Variants in LRBA observed in about 807,000 individuals in gnomAD.
The protein encoded by LRBA is lipopolysaccharide-responsive and beige-like anchor protein.
In LRBA, 176 loss-of-function variants were observed where a neutral mutation model predicts 330.0. The observed-to-expected ratio is 0.53, with a 90% CI of 0.47 to 0.60. LRBA has a LOEUF of 0.60. LRBA is among the 20% of genes least tolerant of loss of function. LRBA has a pLI of 0.00. For synonymous variants in LRBA, 1,230 were observed against 1,193.0 expected (o/e 1.03, Z -0.64); for missense variants, 3,259 against 3,444.8 (o/e 0.95, Z 1.35).
intron 19 of LRBA, among the ~76,000 whole-genome samples, chr4:150,871,099 C>T (rs1185053049): frequency 5.3e-5 from 8 of 152,028 alleles, no homozygotes; most frequent in Non-Finnish European, 1.2e-4. Flanking sequence ...AAAAATTAGC[C>T]GGGTTAGGTG....
intron 56 of LRBA, among the ~76,000 whole-genome samples, chr4:150,270,843 G>A (rs1745989608): frequency 6.6e-6 from 1 of 152,072 alleles, no homozygotes; most frequent in Admixed American, 6.5e-5. Flanking sequence ...AGAGATAAAG[G>A]CATTTTACAT....
At chr4:150,628,311 C>A (rs576758414) in intron 37 of LRBA, among the ~76,000 whole-genome samples, 1 of 152,064 alleles carries the variant, frequency 6.6e-6, no homozygotes, top group Non-Finnish European at 1.5e-5. Flanking sequence ...AAGATCCAAT[C>A]GGGTATAGAG....
chr4:150,816,695 C>T (rs1320643347), intron 31 of LRBA, among the ~76,000 whole-genome samples: 1 of 151,658 alleles, frequency 6.6e-6, no homozygotes, highest in Admixed American at 6.6e-5. Flanking sequence ...GTATTGGACA[C>T]TATATAAATA....
At chr4:150,689,261 A>G (rs573587165) in intron 36 of LRBA, among the ~76,000 whole-genome samples, 1 of 152,296 alleles carries the variant, frequency 6.6e-6, no homozygotes, top group East Asian at 1.9e-4. Flanking sequence ...CTGAACAATA[A>G]GAACATATGG....
At position 150,583,872 on chromosome 4, in the gene LRBA, G is replaced by T. The variant is rs368334008; in HGVS notation, c.6330+4176C>A. The T allele has an allele frequency of 3.7e-6, 6 of 1,613,872 alleles. No homozygotes were observed. Among genetic ancestry groups the T allele is most frequent in the Non-Finnish European group, 5.1e-6 (6 of 1,179,958 alleles). On this transcript the variant is annotated intron_variant, in intron 40 of 56. Coordinates refer to ENST00000651943, the MANE Select transcript of LRBA (RefSeq NM_001364905.1). The surrounding 1 kb of genome is among the most constrained non-coding windows in gnomAD (Gnocchi z 9.8). ...ACATGAAGACGCTGCTGCTGTACGA[G>T]TGCGAGAAACACCCACGAGAAACGG...
intron 30 of LRBA, among the ~76,000 whole-genome samples, chr4:150,826,006 T>C (rs1419096009): frequency 6.6e-6 from 1 of 152,136 alleles, no homozygotes; most frequent in Non-Finnish European, 1.5e-5. Context: ...CAAAAAAAAC[T>C]TGCACTTTTT....
At chr4:150,789,046 CCTGGGTGACAGAGTGAGACT>C (rs1739517568) in intron 34 of LRBA, among the ~76,000 whole-genome samples, 2 of 152,118 alleles carry the variant, frequency 1.3e-5, no homozygotes, top group Admixed American at 1.3e-4. Flanking sequence ...TGCACTCTAG[CCTGGGTGACAGAGTGAGACT>C]CTGTCTCAAA....
At chr4:150,474,452 C>T (rs754346903) in intron 42 of LRBA, among the ~76,000 whole-genome samples, 11 of 152,130 alleles carry the variant, frequency 7.2e-5, no homozygotes, top group Non-Finnish European at 1.2e-4. Flanking sequence ...GGTACATCTT[C>T]CAATTTTGTT....
Position 150,683,728 on chromosome 4 carries a change from A to G in LRBA, c.5755-11T>C, listed in dbSNP as rs1783259173. Reference sequence around the variant, plus strand: ...CTGGGCACACAGTGACTTGGAGAGAAAAAAAAATAATACTATAAAAAATGT... The same window carrying G: ...CTGGGCACACAGTGACTTGGAGAGAGAAAAAAATAATACTATAAAAAATGT... On this transcript the variant is annotated splice_polypyrimidine_tract_variant and intron_variant, in intron 36 of 56. Transcript: ENST00000651943. 6.4e-7 allele frequency: 1 copy of G among 1,556,530 alleles called. No individual in the cohort carries two copies. Among genetic ancestry groups the G allele is most frequent in the Non-Finnish European group, 8.7e-7 (1 of 1,144,998 alleles).
intron 37 of LRBA, among the ~76,000 whole-genome samples, chr4:150,603,107 GA>G (rs1184451779): frequency 6.6e-6 from 1 of 152,102 alleles, no homozygotes; most frequent in Non-Finnish European, 1.5e-5. Flanking sequence ...TTTAGATCTG[GA>G]AATACTATTT....
chr4:150,284,192 G>C (rs907879285), intron 54 of LRBA, among the ~76,000 whole-genome samples: 2 of 152,174 alleles, frequency 1.3e-5, no homozygotes, highest in African/African-American at 4.8e-5. Flanking sequence ...AGGGAAGAAG[G>C]TGTAACAAAA....
rs762599310 is a variant in LRBA, at chr4:150,770,066, G to C, written c.5581-8219C>G. 2.1e-4 allele frequency among the ~76,000 whole-genome samples: 32 copies of C among 152,192 alleles called. 1 individual carries two copies. Among genetic ancestry groups the C allele is most frequent in the Admixed American group, 3.3e-4 (5 of 15,274 alleles). ...AGAAGATCTACCTTCACCGGTGTGAGTCAGCATCAATCACCCGATTTGTTG... is the reference window on the plus strand; with the variant it reads ...AGAAGATCTACCTTCACCGGTGTGACTCAGCATCAATCACCCGATTTGTTG... On this transcript the variant is annotated intron_variant, in intron 34 of 56. Transcript: ENST00000651943.
At chr4:150,359,241 T>A (rs1484552714) in intron 47 of LRBA, among the ~76,000 whole-genome samples, 1 of 152,322 alleles carries the variant, frequency 6.6e-6, no homozygotes, top group East Asian at 1.9e-4. Context: ...CATCTATTCA[T>A]TCAGTAAATA....
intron 2 of LRBA, among the ~76,000 whole-genome samples, chr4:150,940,997 A>G (rs1252867701): frequency 6.6e-6 from 1 of 151,956 alleles, no homozygotes; most frequent in Non-Finnish European, 1.5e-5. Context: ...CTGACTCCTC[A>G]TGCTGTGCTG....
Position 150,929,072 on chromosome 4 carries a change from AG to A in LRBA, c.217-8del. The A allele has an allele frequency of 6.4e-7, 1 of 1,564,462 alleles. No homozygotes were observed. Among genetic ancestry groups the A allele is most frequent in the Admixed American group, 1.7e-5 (1 of 58,098 alleles). On this transcript the variant is annotated splice_region_variant and splice_polypyrimidine_tract_variant and intron_variant, in intron 2 of 56. Coordinates refer to ENST00000651943, the MANE Select transcript of LRBA (RefSeq NM_001364905.1). The stretch of plus-strand genomic sequence containing the variant: ...CAAACTGTCCTCCTACCAACTTACA[AG>A]GAAAAAAAAAAAACACATTAAAAGC...
chr4:150,930,890 C>T (rs1734415600), intron 2 of LRBA, among the ~76,000 whole-genome samples: 1 of 152,208 alleles, frequency 6.6e-6, no homozygotes, highest in Admixed American at 6.5e-5. Context: ...GGAGTCAATT[C>T]TCCTAGTTAC....
At chr4:150,714,376 T>C (rs1786532809) in intron 36 of LRBA, among the ~76,000 whole-genome samples, 1 of 152,192 alleles carries the variant, frequency 6.6e-6, no homozygotes, top group Admixed American at 6.5e-5. Flanking sequence ...AATTTTTTAT[T>C]ATCTAGTTTT....
intron 22 of LRBA, among the ~76,000 whole-genome samples, chr4:150,858,172 C>T (rs570300910): frequency 2.0e-5 from 3 of 152,096 alleles, no homozygotes; most frequent in East Asian, 1.9e-4. Flanking sequence ...GTAATAAATG[C>T]TATTTGGTTT....
At chr4:150,991,761 C>A (rs1579427816) in intron 2 of LRBA, among the ~76,000 whole-genome samples, 1 of 150,580 alleles carries the variant, frequency 6.6e-6, no homozygotes. Flanking sequence ...CCGTATACAT[C>A]AATCTACACA....
Sources: gnomAD v4.1 joint callset for allele counts (sites outside exome capture counted in the v4.1 genomes callset) on GRCh38, gnomAD v4.1.1 for gene constraint, Gnocchi (gnomAD v3.1) non-coding constraint, MANE v1.5 for transcripts, NCBI Gene and HGNC (gene_info 2026-07-23, HGNC 2026-07-21) for gene names.